RBFOX1: variants seen among roughly 807,000 people sequenced by gnomAD.
RBFOX1 encodes the protein RNA binding protein fox-1 homolog 1.
A neutral mutation model predicts 57.7 loss-of-function variants in RBFOX1; 8 were observed. The observed-to-expected ratio is 0.14, with a 90% CI of 0.08 to 0.25. The LOEUF is 0.25. Ranked by LOEUF, RBFOX1 falls within the 10% of genes least tolerant of loss-of-function variation. RBFOX1 has a pLI of 1.00. For missense variants in RBFOX1, 611 were observed against 548.5 expected (o/e 1.11, Z -1.14); for synonymous variants, 326 against 222.4 (o/e 1.47, Z -4.15).
At chr16:6,810,521 C>G (rs928680084) in intron 3 of RBFOX1, among the ~76,000 whole-genome samples, 1 of 152,004 alleles carries the variant, frequency 6.6e-6, no homozygotes, top group Non-Finnish European at 1.5e-5. Context: ...CCCATATGCC[C>G]CTCCAAAAAC....
At chr16:7,708,538 G>T (rs922472388) in intron 14 of RBFOX1, among the ~76,000 whole-genome samples, 1 of 152,108 alleles carries the variant, frequency 6.6e-6, no homozygotes, top group East Asian at 1.9e-4. Flanking sequence ...ACCCTTTAAG[G>T]CTGCTTCCAT....
chr16:6,556,928 C>G (rs1291302967), intron 2 of RBFOX1, among the ~76,000 whole-genome samples: 2 of 150,434 alleles, frequency 1.3e-5, no homozygotes, highest in Non-Finnish European at 3.0e-5. Context: ...TTTTTGTCAT[C>G]CATTGCTGAG....
chr16:6,724,297 C>T (rs1489300500), intron 3 of RBFOX1, among the ~76,000 whole-genome samples: 2 of 150,560 alleles, frequency 1.3e-5, no homozygotes, highest in African/African-American at 2.5e-5. Flanking sequence ...GTAACCTCTG[C>T]CTCCTGGCTT....
intron 1 of RBFOX1, among the ~76,000 whole-genome samples, chr16:5,342,139 C>T (rs571793186): frequency 6.6e-6 from 1 of 152,272 alleles, no homozygotes; most frequent in African/African-American, 2.4e-5. Context: ...TAATTTTCCA[C>T]CTTCTAATTG....
At chr16:7,588,469 A>G (rs576394329) in intron 7 of RBFOX1, among the ~76,000 whole-genome samples, 2 of 152,336 alleles carry the variant, frequency 1.3e-5, no homozygotes, top group South Asian at 4.2e-4. Context: ...ATGGAGAACA[A>G]AGATGTGGAT....
intron 2 of RBFOX1, among the ~76,000 whole-genome samples, chr16:6,533,114 G>A (rs2096682829): frequency 6.6e-6 from 1 of 152,170 alleles, no homozygotes; most frequent in South Asian, 2.1e-4. Flanking sequence ...AGTGCTAGAT[G>A]GCAGGCATTG....
In RBFOX1 at chr16:5,722,477, C is replaced by T. The variant is rs991536115; in HGVS notation, c.318+123516C>T. ...AGAGAAATCCAGATACAATTAGACT[C>T]AGCGCGATCATCTATCCCCGTGTCC... On this transcript the variant is annotated intron_variant, in intron 3 of 19. Transcript: ENST00000641259. Among the ~76,000 whole-genome samples the T allele has an allele frequency of 3.9e-5, 6 of 152,298 alleles. No individual in the cohort carries two copies. The East Asian group carries it at 5.8e-4, about 15-fold the overall frequency.
intron 3 of RBFOX1, among the ~76,000 whole-genome samples, chr16:6,882,711 T>G (rs995684094): frequency 2.6e-5 from 4 of 152,146 alleles, no homozygotes; most frequent in Non-Finnish European, 1.5e-5. Flanking sequence ...TTGGGATATT[T>G]GGAGTCTGAC....
chr16:6,071,914 C>G (rs924402115), intron 1 of RBFOX1, among the ~76,000 whole-genome samples: 4 of 152,170 alleles, frequency 2.6e-5, no homozygotes, highest in African/African-American at 4.8e-5. Flanking sequence ...TCAGGATTTC[C>G]TTCTTCTTTA....
chr16:6,795,002 C>G (rs1319390434), intron 3 of RBFOX1, among the ~76,000 whole-genome samples: 4 of 152,128 alleles, frequency 2.6e-5, no homozygotes, highest in African/African-American at 7.2e-5. Context: ...ATTCACATCT[C>G]CTGACAGTCA....
intron 4 of RBFOX1, among the ~76,000 whole-genome samples, chr16:7,200,963 C>T (rs758115092): frequency 6.6e-6 from 1 of 152,200 alleles, no homozygotes; most frequent in South Asian, 2.1e-4. Flanking sequence ...TAGCCCTGAA[C>T]TTCTTGTATG....
intron 2 of RBFOX1, among the ~76,000 whole-genome samples, chr16:6,618,492 T>G (rs1377288441): frequency 6.6e-6 from 1 of 152,214 alleles, no homozygotes; most frequent in Non-Finnish European, 1.5e-5. Flanking sequence ...TGATGTTCAT[T>G]ATACATTTAC....
intron 4 of RBFOX1, among the ~76,000 whole-genome samples, chr16:5,986,209 A>G (rs1209297367): frequency 1.3e-5 from 2 of 152,022 alleles, no homozygotes; most frequent in Non-Finnish European, 2.9e-5. Flanking sequence ...GTTTACAGGC[A>G]TGCACCACCC....
chr16:5,268,268 G>T (rs1696208899), intron 1 of RBFOX1, among the ~76,000 whole-genome samples: 1 of 152,114 alleles, frequency 6.6e-6, no homozygotes, highest in Admixed American at 6.5e-5. Context: ...AGTGCAATTT[G>T]TGTTAATTCT....
chr16:5,386,982 C>T (rs762801699), intron 1 of RBFOX1, among the ~76,000 whole-genome samples: 19 of 152,232 alleles, frequency 1.2e-4, no homozygotes, highest in African/African-American at 1.4e-4. Context: ...ACCCAGGAGG[C>T]GGAGGTTGCA....
chr16:6,922,312 G>A (rs753180395), intron 3 of RBFOX1, among the ~76,000 whole-genome samples: 2 of 152,114 alleles, frequency 1.3e-5, no homozygotes, highest in African/African-American at 4.8e-5. Flanking sequence ...CTGGTTTTCA[G>A]TTCCGAGTGT....
chr16:6,353,599 G>A (rs538428381), intron 2 of RBFOX1, among the ~76,000 whole-genome samples: 6 of 152,014 alleles, frequency 3.9e-5, no homozygotes, highest in African/African-American at 7.2e-5. Flanking sequence ...ATTGCTTGTG[G>A]GGGATTCAAA....
At chr16:7,093,945 G>A (rs527297575) in intron 4 of RBFOX1, among the ~76,000 whole-genome samples, 104 of 151,654 alleles carry the variant, frequency 6.9e-4, no homozygotes, top group Middle Eastern at 3.4e-3. Context: ...TATATAAGGC[G>A]TATATAATTT....
At chr16:6,982,359 G>T (rs1017269846) in intron 3 of RBFOX1, among the ~76,000 whole-genome samples, 5 of 152,276 alleles carry the variant, frequency 3.3e-5, no homozygotes, top group South Asian at 2.1e-4. Flanking sequence ...TTTGACTTTT[G>T]TTGGTTTTAT....
Sources: gnomAD v4.1 joint callset for allele counts (sites outside exome capture counted in the v4.1 genomes callset) on GRCh38, gnomAD v4.1.1 for gene constraint, MANE v1.5 for transcripts, NCBI Gene and HGNC (gene_info 2026-07-23, HGNC 2026-07-21) for gene names.